Variants in CCNB2 observed in about 807,000 individuals in gnomAD.
CCNB2 encodes the protein G2/mitotic-specific cyclin-B2.
A neutral mutation model predicts 51.1 loss-of-function variants in CCNB2; 39 were observed. The observed-to-expected ratio is 0.76, with a 90% CI of 0.59 to 1.00. The LOEUF (loss-of-function observed/expected upper bound fraction) is 1.00. CCNB2 is among the 50% of genes least tolerant of loss of function. The pLI, the probability that CCNB2 is intolerant of heterozygous loss-of-function variation, is 0.00. For missense variants in CCNB2, 472 were observed against 470.3 expected (o/e 1.00, Z -0.03); for synonymous variants, 174 against 165.5 (o/e 1.05, Z -0.40).
intron 3 of CCNB2, among the ~76,000 whole-genome samples, chr15:59,108,145 C>T (rs988613598): frequency 1.3e-5 from 2 of 152,116 alleles, no homozygotes; most frequent in Non-Finnish European, 2.9e-5. Flanking sequence ...GGAAAGGGCA[C>T]GTTTGTGGAG....
intron 3 of CCNB2, among the ~76,000 whole-genome samples, chr15:59,111,687 C>T (rs2079257749): frequency 6.6e-6 from 1 of 152,100 alleles, no homozygotes; most frequent in South Asian, 2.1e-4. Context: ...CATCTCAAAT[C>T]AATTTGCAGT....
Position 59,114,704 on chromosome 15 carries a change from G to C in CCNB2, c.439-14G>C, listed in dbSNP as rs761370106. The C allele has an allele frequency of 1.3e-6, 2 of 1,596,280 alleles. No homozygotes were observed. The highest frequency in any genetic ancestry group is 8.6e-7 in the Non-Finnish European group (1 of 1,167,360). On this transcript the variant is annotated splice_polypyrimidine_tract_variant and intron_variant, in intron 4 of 8. Transcript: ENST00000288207. ...AACAAGGTCAGCTTTTTAAACTTTTGATTCTACCCACAGGTTTTGCAGTCC... is the reference window on the plus strand; with the variant it reads ...AACAAGGTCAGCTTTTTAAACTTTTCATTCTACCCACAGGTTTTGCAGTCC...
intron 1 of CCNB2, among the ~76,000 whole-genome samples, chr15:59,106,047 C>A (rs1323769774): frequency 6.6e-6 from 1 of 152,118 alleles, no homozygotes; most frequent in Non-Finnish European, 1.5e-5. Context: ...GTACCGGGAC[C>A]TACTTTTTTC....
At chr15:59,112,470 G>C (rs2079261381) in intron 3 of CCNB2, among the ~76,000 whole-genome samples, 1 of 151,398 alleles carries the variant, frequency 6.6e-6, no homozygotes, top group South Asian at 2.1e-4. Context: ...TCAGCCTCCT[G>C]AGTAGCTGGG....
intron 7 of CCNB2, among the ~76,000 whole-genome samples, chr15:59,118,517 C>G (rs1389207419): frequency 6.6e-6 from 1 of 152,164 alleles, no homozygotes; most frequent in African/African-American, 2.4e-5. Context: ...ACCCCCGTCT[C>G]TACTAAAAAT....
chr15:59,115,020 A>C, intron 5 of CCNB2, 144 bp downstream of exon 5: 1 of 857,744 alleles, frequency 1.2e-6, no homozygotes, highest in Non-Finnish European at 1.8e-6. Context: ...GGGACTAAAA[A>C]GGGAAGTAAT....
intron 5 of CCNB2, 37 bp from the exon 6 acceptor site, chr15:59,116,653 G>A (rs1445585083): frequency 7.1e-7 from 1 of 1,417,982 alleles, no homozygotes; most frequent in Admixed American, 1.7e-5. Flanking sequence ...CACTCTTCTT[G>A]TTAGGTGTGA....
At chr15:59,112,085 G>A (rs2079259897) in intron 3 of CCNB2, among the ~76,000 whole-genome samples, 2 of 151,958 alleles carry the variant, frequency 1.3e-5, no homozygotes. Flanking sequence ...CTCCTGAGCT[G>A]AAGCAATCCA....
intron 7 of CCNB2, among the ~76,000 whole-genome samples, chr15:59,121,963 G>GAAAAAA (rs2079303991): frequency 8.9e-6 from 1 of 112,926 alleles, no homozygotes; most frequent in Admixed American, 9.5e-5. Flanking sequence ...AAAAAAAAAG[G>GAAAAAA]AGAAATTACC....
At chr15:59,120,709 A>C (rs1270649357) in intron 7 of CCNB2, among the ~76,000 whole-genome samples, 1 of 152,222 alleles carries the variant, frequency 6.6e-6, no homozygotes, top group South Asian at 2.1e-4. Flanking sequence ...TATTCAAGCA[A>C]GGTGCATCAA....
At chr15:59,113,070 A>G (rs143081986) in intron 3 of CCNB2, among the ~76,000 whole-genome samples, 213 of 152,070 alleles carry the variant, frequency 1.4e-3, no homozygotes, top group African/African-American at 4.5e-3. Flanking sequence ...AGATTTTTTT[A>G]TCTTTCATTA....
intron 3 of CCNB2, among the ~76,000 whole-genome samples, chr15:59,111,829 C>G (rs187717058): frequency 1.3e-5 from 2 of 149,528 alleles, no homozygotes; most frequent in African/African-American, 4.9e-5. Flanking sequence ...TTCCCAAATT[C>G]TATTCTATTC....
In CCNB2 at chr15:59,107,343, A is replaced by G; in HGVS notation, c.46A>G (p.Ile16Val). ...RPTVSSDLEN[I>V]DTGVNSKVKS... ...TCAGGTGTCCAGTGATTTGGAGAATATTGACACAGGAGTTAATTCTAAAGT... is the reference window on the plus strand; with the variant it reads ...TCAGGTGTCCAGTGATTTGGAGAATGTTGACACAGGAGTTAATTCTAAAGT... The change falls in exon 2 of 9, where the codon ATT becomes GTT. Residue 16 changes from isoleucine (I) to valine (V), a missense_variant. Physicochemically the swap from Ile to Val is conservative, Grantham distance 29. Transcript: ENST00000288207. 4 of 1,602,872 alleles carry G rather than the reference A, an allele frequency of 2.5e-6. No homozygotes were observed. Among genetic ancestry groups the G allele is most frequent in the Non-Finnish European group, 3.4e-6 (4 of 1,175,828 alleles).
chr15:59,109,052 G>A (rs1278101185), intron 3 of CCNB2, among the ~76,000 whole-genome samples: 1 of 152,106 alleles, frequency 6.6e-6, no homozygotes, highest in Middle Eastern at 3.2e-3. Context: ...GGCAGTATAT[G>A]TATATATTTT....
At chr15:59,106,447 G>T (rs529195766) in intron 1 of CCNB2, among the ~76,000 whole-genome samples, 68 of 152,268 alleles carry the variant, frequency 4.5e-4, no homozygotes, top group Non-Finnish European at 8.2e-4. Flanking sequence ...CAAACCCCTT[G>T]TTGGGAGTTT....
At chr15:59,124,712 A>G in intron 8 of CCNB2, 55 bp from the exon 9 acceptor site, 1 of 1,165,378 alleles carries the variant, frequency 8.6e-7, no homozygotes, top group Non-Finnish European at 1.3e-6. Flanking sequence ...TAGACTAGGA[A>G]TAAGGTATCA....
intron 3 of CCNB2, among the ~76,000 whole-genome samples, chr15:59,112,367 CAG>C (rs1192321288): frequency 6.7e-6 from 1 of 148,974 alleles, no homozygotes; most frequent in Non-Finnish European, 1.5e-5. Context: ...TTTTTTGAGA[CAG>C]AGTCTCGCTC....
chr15:59,105,277 G>A lies in CCNB2; in HGVS notation c.9G>A (p.Leu3=), dbSNP rs2140284400. MA[L]LRRPTVSSDL... ...TGCCTTCCCCGTCCCTCATGGCGCTGCTCCGACGCCCGACGGTGAGTGTGC... is the reference window on the plus strand; with the variant it reads ...TGCCTTCCCCGTCCCTCATGGCGCTACTCCGACGCCCGACGGTGAGTGTGC... The change falls in exon 1 of 9, where the codon CTG becomes CTA. Residue 3 remains leucine (L), a synonymous_variant. Transcript: ENST00000288207. The A allele has an allele frequency of 1.3e-6, 2 of 1,567,086 alleles. No homozygotes were observed. Among genetic ancestry groups the A allele is most frequent in the African/African-American group, 1.4e-5 (1 of 74,068 alleles).
Position 59,123,542 on chromosome 15 carries a change from G to GAT in CCNB2, c.1003_1004dup (p.Glu337GlnfsTer17). On this transcript the variant is annotated frameshift_variant, in exon 8 of 9. Coordinates refer to ENST00000288207, the MANE Select transcript of CCNB2 (RefSeq NM_004701.4). LOFTEE classifies it high-confidence loss of function. ...AACTTAAAGCAGCAGTATTACACAG[G>GAT]ATACACAGAGAATGAAGTATTGGAA... The GAT allele has an allele frequency of 6.2e-7, 1 of 1,612,710 alleles. No homozygotes were observed. The highest frequency in any genetic ancestry group is 8.5e-7 in the Non-Finnish European group (1 of 1,178,758).
Sources: allele counts gnomAD v4.1 joint callset (sites outside exome capture counted in the v4.1 genomes callset), GRCh38; gene constraint gnomAD v4.1.1; transcripts MANE v1.5; gene names NCBI Gene and HGNC (gene_info 2026-07-23, HGNC 2026-07-21).